Variants in TASP1 observed in about 807,000 individuals in gnomAD.
The protein encoded by TASP1 is threonine aspartase 1.
In TASP1, 16 loss-of-function variants were observed where a neutral mutation model predicts 56.6. That is an observed-to-expected ratio of 0.28 (90% CI 0.19 to 0.43). The LOEUF (loss-of-function observed/expected upper bound fraction) is 0.43. TASP1 is among the 20% of genes least tolerant of loss of function. The pLI is 1.00. For missense variants in TASP1, 393 were observed against 511.6 expected (o/e 0.77, Z 2.24); for synonymous variants, 179 against 184.2 (o/e 0.97, Z 0.23).
At chr20:13,224,052 C>T in the TASP1 span, among the ~76,000 whole-genome samples, 1 of 151,830 alleles carries the variant, frequency 6.6e-6, no homozygotes, top group South Asian at 2.1e-4. Flanking sequence ...AAGAACTGCC[C>T]CAAGAGGACA....
chr20:13,526,605 G>A (rs890364297), intron 10 of TASP1, among the ~76,000 whole-genome samples: 4 of 152,070 alleles, frequency 2.6e-5, no homozygotes, highest in East Asian at 1.9e-4. Context: ...GTATGGATTC[G>A]ATTCAACATT....
Position 13,393,748 on chromosome 20 carries a change from C to T in TASP1, c.1171-3296G>A, listed in dbSNP as rs1361893232. On this transcript the variant is annotated intron_variant, in intron 13 of 13. Transcript: ENST00000337743. ...CCCTCAGCTGCTGGGAGTCCCTGCC[C>T]ACACTCAGTCCCCTACCACACTGAG... 3 of 696,448 alleles carry T rather than the reference C, an allele frequency of 4.3e-6. No individual in the cohort carries two copies. In the East Asian group the frequency reaches 8.3e-5, roughly 19 times the overall value. The allele number at this position is 696,448 out of a possible 1,614,324, so 43.1% of individuals were successfully genotyped here.
chr20:13,356,210 T>TAAA, the TASP1 span, among the ~76,000 whole-genome samples: 1 of 152,200 alleles, frequency 6.6e-6, no homozygotes, highest in Non-Finnish European at 1.5e-5. Context: ...ATGTCTTACA[T>TAAA]AATAAGAGGT....
rs536408031 is a variant in TASP1, at chr20:13,561,183, G to T, written c.569-2069C>A. 4.6e-5 allele frequency among the ~76,000 whole-genome samples: 7 copies of T among 152,218 alleles called. No homozygotes were observed. The South Asian group carries it at 6.2e-4, about 14-fold the overall frequency. ...AAACTGAGATAGTTCATTTTTACTG[G>T]ACCTACCCTGCAAGAAATGCTGAAG... is the stretch of plus-strand genomic sequence containing the variant. On this transcript the variant is annotated intron_variant, in intron 7 of 13. Transcript: ENST00000337743.
downstream of TASP1, among the ~76,000 whole-genome samples, chr20:13,389,069 T>TCC (rs1568732968): frequency 6.6e-6 from 1 of 152,252 alleles, no homozygotes; most frequent in Non-Finnish European, 1.5e-5. Flanking sequence ...ATCTTGGTTT[T>TCC]CTTATGTGGC....
rs528581400 is a variant in TASP1, at chr20:13,431,582, AT to A, written c.1096+3461del. Among the ~76,000 whole-genome samples the A allele has an allele frequency of 5.3e-4, 81 of 152,334 alleles. 1 individual carries two copies. Among genetic ancestry groups the A allele is most frequent in the African/African-American group, 1.9e-3 (78 of 41,588 alleles). ...TGTTAATAATCATAACAACAATGGT[AT>A]TGTTGACAGAGGTTGAGGTGAGGTA... On this transcript the variant is annotated intron_variant, in intron 12 of 13. Coordinates refer to ENST00000337743, the MANE Select transcript of TASP1 (RefSeq NM_017714.3).
At chr20:13,227,999 C>G in the TASP1 span, among the ~76,000 whole-genome samples, 1 of 132,428 alleles carries the variant, frequency 7.6e-6, no homozygotes, top group African/African-American at 2.8e-5. Flanking sequence ...GAGTCTAGCT[C>G]TGTTGCCCAG....
At chr20:13,276,366 T>A in the TASP1 span, among the ~76,000 whole-genome samples, 1 of 151,938 alleles carries the variant, frequency 6.6e-6, no homozygotes, top group African/African-American at 2.4e-5. Context: ...CGAGCAAGAA[T>A]CAAGAGTTTG....
chr20:13,350,401 A>G, the TASP1 span, among the ~76,000 whole-genome samples: 2 of 152,182 alleles, frequency 1.3e-5, no homozygotes, highest in African/African-American at 4.8e-5. Context: ...TGACTCTAAA[A>G]TTTACGTGGA....
At chr20:13,237,440 G>A in the TASP1 span, among the ~76,000 whole-genome samples, 7 of 152,338 alleles carry the variant, frequency 4.6e-5, no homozygotes, top group Non-Finnish European at 8.8e-5. Flanking sequence ...CAAATGTAAT[G>A]TTGAGTGAAG....
intron 13 of TASP1, among the ~76,000 whole-genome samples, chr20:13,406,661 GTTTT>G (rs201624204): frequency 7.7e-6 from 1 of 129,436 alleles, no homozygotes; most frequent in African/African-American, 3.1e-5. Flanking sequence ...TATTTTGAGG[GTTTT>G]TTCTTTTTTT....
chr20:13,304,043 G>A, the TASP1 span, among the ~76,000 whole-genome samples: 1 of 152,172 alleles, frequency 6.6e-6, no homozygotes, highest in Non-Finnish European at 1.5e-5. Context: ...CACCATCAAG[G>A]TATGACTTTC....
At chr20:13,237,290 T>G in the TASP1 span, among the ~76,000 whole-genome samples, 40,751 of 152,096 alleles carry the variant, frequency 0.27, 5,718 homozygotes, top group African/African-American at 0.36. Flanking sequence ...ACCTAAAAAA[T>G]AATGTTCATA....
rs541242639 is a variant in TASP1, at chr20:13,417,016, G to A, written c.1170+432C>T. On this transcript the variant is annotated intron_variant, in intron 13 of 13. Coordinates refer to ENST00000337743, the MANE Select transcript of TASP1 (RefSeq NM_017714.3). ...ATATTTGCAAGCATGTCAGCCACCT[G>A]TGCCATCAAACATGCAGGATGCTTT... 4.1e-4 allele frequency among the ~76,000 whole-genome samples: 62 copies of A among 152,336 alleles called. 1 individual carries two copies. The highest frequency in any genetic ancestry group is 1.5e-3 in the African/African-American group (62 of 41,578).
chr20:13,406,205 T>G (rs1568757112), intron 13 of TASP1, among the ~76,000 whole-genome samples: 1 of 152,220 alleles, frequency 6.6e-6, no homozygotes, highest in African/African-American at 2.4e-5. Context: ...TGTCAATTTC[T>G]TATTTAAAAA....
chr20:13,637,747 G>GGGT (rs1320252045), intron 1 of TASP1, among the ~76,000 whole-genome samples: 4 of 152,212 alleles, frequency 2.6e-5, no homozygotes, highest in Non-Finnish European at 5.9e-5. Context: ...AGAATCTAAT[G>GGGT]GGGAGTGACT....
the TASP1 span, among the ~76,000 whole-genome samples, chr20:13,241,650 C>T: frequency 6.6e-6 from 1 of 152,068 alleles, no homozygotes; most frequent in African/African-American, 2.4e-5. Flanking sequence ...AGGGCAGGAG[C>T]ACAAGTAGGA....
chr20:13,247,357 G>T, the TASP1 span, among the ~76,000 whole-genome samples: 1 of 152,150 alleles, frequency 6.6e-6, no homozygotes, highest in African/African-American at 2.4e-5. Context: ...GTGTCTTTAA[G>T]TGTCAGCGTG....
intron 11 of TASP1, among the ~76,000 whole-genome samples, chr20:13,469,076 T>A (rs2044373085): frequency 6.6e-6 from 1 of 152,146 alleles, no homozygotes; most frequent in African/African-American, 2.4e-5. Flanking sequence ...AGCAAAACAA[T>A]AGCTCTTTTT....
Sources: allele counts gnomAD v4.1 joint callset (sites outside exome capture counted in the v4.1 genomes callset), GRCh38; gene constraint gnomAD v4.1.1; transcripts MANE v1.5; gene names NCBI Gene and HGNC (gene_info 2026-07-23, HGNC 2026-07-21).